The following PPARGC1B variants were observed in gnomAD, a reference collection of about 807,000 sequenced individuals.
PPARGC1B encodes the protein peroxisome proliferator-activated receptor gamma coactivator 1-beta.
PPARGC1B carries 34 observed loss-of-function variants against 101.6 expected under a neutral mutation model. The observed-to-expected ratio is 0.33, with a 90% CI of 0.25 to 0.45. PPARGC1B has a LOEUF of 0.45. Ranked by LOEUF, PPARGC1B falls within the 20% of genes least tolerant of loss-of-function variation. PPARGC1B has a pLI of 1.00. For missense variants in PPARGC1B, 1,234 were observed against 1,317.6 expected, an observed-to-expected ratio of 0.94 and a Z score of 0.98; for synonymous variants, 548 against 539.3, an observed-to-expected ratio of 1.02 and a Z score of -0.22.
chr5:149,836,238 T>TACCTTTCTCC, intron 7 of PPARGC1B, 25 bp from the exon 8 acceptor site: 1 of 1,517,926 alleles, frequency 6.6e-7, no homozygotes, highest in African/African-American at 1.4e-5. Flanking sequence ...GTCTTTATCT[T>TACCTTTCTCC]ACCTTTCTCC....
intron 1 of PPARGC1B, among the ~76,000 whole-genome samples, chr5:149,744,908 CTTT>C (rs34363116): frequency 6.0e-5 from 8 of 132,926 alleles, no homozygotes; most frequent in Admixed American, 4.6e-4. Context: ...AGCTTTGTGA[CTTT>C]TTTTTTTTTT....
intron 1 of PPARGC1B, among the ~76,000 whole-genome samples, chr5:149,813,658 T>TGA: frequency 6.6e-6 from 1 of 152,340 alleles, no homozygotes; most frequent in East Asian, 1.9e-4. Flanking sequence ...AAGGTACTGA[T>TGA]GAGAGCACAG....
At chr5:149,771,227 C>T (rs895393128) in intron 1 of PPARGC1B, among the ~76,000 whole-genome samples, 1 of 152,210 alleles carries the variant, frequency 6.6e-6, no homozygotes, top group Non-Finnish European at 1.5e-5. Context: ...ACTGCCTGGT[C>T]ACACCTTGGG....
chr5:149,812,368 C>T (rs777163224), intron 1 of PPARGC1B, among the ~76,000 whole-genome samples: 2 of 152,156 alleles, frequency 1.3e-5, no homozygotes, highest in Non-Finnish European at 2.9e-5. Flanking sequence ...ACTACTCTCC[C>T]CACTCTTCTC....
intron 1 of PPARGC1B, among the ~76,000 whole-genome samples, chr5:149,775,494 C>A (rs115124506): frequency 1.3e-5 from 2 of 152,104 alleles, no homozygotes; most frequent in African/African-American, 4.8e-5. Context: ...AGCTGAGATG[C>A]GCCTTTCAGC....
intron 1 of PPARGC1B, among the ~76,000 whole-genome samples, chr5:149,791,896 T>G (rs1757036071): frequency 6.6e-6 from 1 of 152,246 alleles, no homozygotes; most frequent in Non-Finnish European, 1.5e-5. Context: ...GTTTCATTTA[T>G]TCAACAAACA....
rs995564332 is a variant in PPARGC1B, at chr5:149,850,652, G to A, written c.*3094G>A. On this transcript the variant is annotated 3_prime_UTR_variant, in exon 12 of 12. Transcript: ENST00000309241. ...GAGGAGTAACCCAGAGGGAGCAGCT[G>A]CCATTGGCAACCATCTCGTTGTAGC... 6.6e-6 allele frequency: 1 copy of A among 152,242 alleles called. No homozygotes were observed. The highest frequency in any genetic ancestry group is 1.5e-5 in the Non-Finnish European group (1 of 68,068). The allele number at this position is 152,242 out of a possible 1,614,324, so 9.4% of individuals were successfully genotyped here. A position where few individuals can be genotyped will look rare whatever the true frequency, so the allele number is the denominator to read the frequency against.
At chr5:149,804,989 G>T (rs1757546832) in intron 1 of PPARGC1B, among the ~76,000 whole-genome samples, 2 of 152,200 alleles carry the variant, frequency 1.3e-5, no homozygotes, top group African/African-American at 4.8e-5. Flanking sequence ...TTCAGCAGGA[G>T]AGTGAGCGAT....
rs1756149975 is a variant in PPARGC1B, at chr5:149,772,001, C to A, written c.78+41581C>A. On this transcript the variant is annotated intron_variant, in intron 1 of 11. Transcript: ENST00000309241. ...GTTGCTGTTATCCCAGACTTACAGG[C>A]AGGAAGCAGGCTCAGAGAAGTGAAG... 5 of 1,451,942 alleles carry A rather than the reference C, an allele frequency of 3.4e-6. No individual in the cohort carries two copies. In the South Asian group the frequency reaches 7.3e-5, roughly 21 times the overall value. The allele number at this position is 1,451,942 out of a possible 1,614,324, so 89.9% of individuals were successfully genotyped here.
intron 1 of PPARGC1B, among the ~76,000 whole-genome samples, chr5:149,784,010 C>A (rs997821884): frequency 6.6e-6 from 1 of 152,060 alleles, no homozygotes; most frequent in Non-Finnish European, 1.5e-5. Context: ...CATGGGAGAC[C>A]CCCTGACTTG....
rs1449419686 is a variant in PPARGC1B at position 149,849,140 on chromosome 5, G to C, written c.*1582G>C. ...CTGCTGCTTTAAAAATTTGAAAGTG[G>C]CTCATTAAACTAAACAGGCTAATGT... is the stretch of plus-strand genomic sequence containing the variant. On this transcript the variant is annotated 3_prime_UTR_variant, in exon 12 of 12. Coordinates refer to ENST00000309241, the MANE Select transcript of PPARGC1B (RefSeq NM_133263.4). The C allele has an allele frequency of 1.3e-5, 2 of 151,938 alleles. No homozygotes were observed. Among genetic ancestry groups the C allele is most frequent in the Non-Finnish European group, 2.9e-5 (2 of 67,974 alleles). 9.4% of individuals were successfully genotyped at this position (151,938 alleles called of 1,614,324 possible). A position where few individuals can be genotyped will look rare whatever the true frequency, so the allele number is the denominator to read the frequency against.
intron 1 of PPARGC1B, among the ~76,000 whole-genome samples, chr5:149,766,234 G>A (rs900012541): frequency 6.6e-6 from 1 of 152,174 alleles, no homozygotes; most frequent in African/African-American, 2.4e-5. Context: ...CTAAAGTTAT[G>A]TGGTTTAGGC....
In PPARGC1B at chr5:149,852,526, C is replaced by T. The variant is rs1000867086; in HGVS notation, c.*4968C>T. 3.9e-5 allele frequency: 6 copies of T among 152,098 alleles called. No homozygotes were observed. Among genetic ancestry groups the T allele is most frequent in the South Asian group, 2.1e-4 (1 of 4,824 alleles). The allele number at this position is 152,098 out of a possible 1,614,324, so 9.4% of individuals were successfully genotyped here. On this transcript the variant is annotated 3_prime_UTR_variant, in exon 12 of 12. Coordinates refer to ENST00000309241, the MANE Select transcript of PPARGC1B (RefSeq NM_133263.4). ...GCCTTATCCAAGAAGACCAGCTCCC[C>T]GGGACAGATCTAAGCCATAGTTTCT...
chr5:149,753,159 T>C (rs1233286293), intron 1 of PPARGC1B, among the ~76,000 whole-genome samples: 1 of 152,220 alleles, frequency 6.6e-6, no homozygotes, highest in Non-Finnish European at 1.5e-5. Flanking sequence ...ACTGTTTGGA[T>C]TGATCATAGT....
chr5:149,742,639 A>ACTAAG (rs1754952379), intron 1 of PPARGC1B, among the ~76,000 whole-genome samples: 1 of 152,190 alleles, frequency 6.6e-6, no homozygotes, highest in African/African-American at 2.4e-5. Flanking sequence ...TGTGCCAGGT[A>ACTAAG]CTAAGCTAGG....
At chr5:149,763,135 T>G (rs932320922) in intron 1 of PPARGC1B, among the ~76,000 whole-genome samples, 1 of 151,882 alleles carries the variant, frequency 6.6e-6, no homozygotes, top group Non-Finnish European at 1.5e-5. Flanking sequence ...TGACCTGCCA[T>G]CCCCTGCAAC....
At position 149,730,831 on chromosome 5, in the gene PPARGC1B, C is replaced by T. The variant is rs1754428602; in HGVS notation, c.78+411C>T. Among the ~76,000 whole-genome samples, 1 of 152,210 alleles carries T rather than the reference C, an allele frequency of 6.6e-6. No individual in the cohort carries two copies. Among genetic ancestry groups the T allele is most frequent in the Non-Finnish European group, 1.5e-5 (1 of 68,030 alleles). ...GTACTTTCACGTGGACTTGTGGCCC[C>T]GGCACGGGTGCATGCCCGGGTCTCC... On this transcript the variant is annotated intron_variant, in intron 1 of 11. Transcript: ENST00000309241. This position sits in a 1 kb window ranked among gnomAD's most constrained non-coding sequence, Gnocchi z 4.0.
intron 2 of PPARGC1B, among the ~76,000 whole-genome samples, chr5:149,822,899 GAC>G (rs1758361153): frequency 6.6e-6 from 1 of 152,176 alleles, no homozygotes; most frequent in Non-Finnish European, 1.5e-5. Context: ...CACTAACTTG[GAC>G]AGTTTCTTCA....
At chr5:149,787,167 CT>C (rs1247301737) in intron 1 of PPARGC1B, among the ~76,000 whole-genome samples, 1 of 152,218 alleles carries the variant, frequency 6.6e-6, no homozygotes, top group Non-Finnish European at 1.5e-5. Context: ...GAGAGCATTT[CT>C]TTTCCAGTAG....
Sources: gnomAD v4.1 joint callset for allele counts (sites outside exome capture counted in the v4.1 genomes callset) on GRCh38, gnomAD v4.1.1 for gene constraint, Gnocchi (gnomAD v3.1) non-coding constraint, MANE v1.5 for transcripts, NCBI Gene and HGNC (gene_info 2026-07-23, HGNC 2026-07-21) for gene names.